Variants in MTHFD2L observed in about 807,000 individuals in gnomAD.
MTHFD2L encodes the protein methylenetetrahydrofolate dehydrogenase (NADP+ dependent) 2 like.
Under a neutral mutation model 34.9 loss-of-function variants are expected in MTHFD2L, and 29 were observed. The observed-to-expected ratio is 0.83, with a 90% CI of 0.62 to 1.13. The LOEUF (loss-of-function observed/expected upper bound fraction) is 1.13. Among genes scored for constraint, MTHFD2L ranks in the 50% most tolerant of loss-of-function variants. The probability of loss-of-function intolerance (pLI) is 0.00; values close to 1 mark genes in which losing one functional copy is unlikely to be tolerated. For missense variants in MTHFD2L, 481 were observed against 446.5 expected (o/e 1.08, Z -0.70); for synonymous variants, 167 against 155.7 (o/e 1.07, Z -0.54).
chr4:74,121,445 A>G (rs993604248), upstream of MTHFD2L, among the ~76,000 whole-genome samples: 5 of 150,768 alleles, frequency 3.3e-5, no homozygotes, highest in East Asian at 1.9e-4. Flanking sequence ...AGCAACCACA[A>G]TGAGATTATG....
chr4:74,299,178 A>G (rs949973469), intron 7 of MTHFD2L, among the ~76,000 whole-genome samples: 11 of 152,008 alleles, frequency 7.2e-5, no homozygotes, highest in African/African-American at 2.7e-4. Context: ...AACAAATTGT[A>G]TGCCACTTTT....
At chr4:74,157,998 T>C, upstream of MTHFD2L, 1 of 1,303,294 alleles carries the variant, frequency 7.7e-7, no homozygotes, top group Non-Finnish European at 1.1e-6. Flanking sequence ...TTTACCCCAC[T>C]CTGCGTGTCT....
intron 7 of MTHFD2L, among the ~76,000 whole-genome samples, chr4:74,285,697 A>G (rs1748084763): frequency 6.6e-6 from 1 of 152,156 alleles, no homozygotes; most frequent in East Asian, 1.9e-4. Context: ...CTAAACAAAT[A>G]TAATTTCTCC....
intron 1 of MTHFD2L, among the ~76,000 whole-genome samples, chr4:74,148,420 C>T (rs374338193): frequency 6.7e-6 from 1 of 149,040 alleles, no homozygotes; most frequent in African/African-American, 2.5e-5. Context: ...CAGAGTTTTG[C>T]TCTGTTGCCC....
intron 5 of MTHFD2L, among the ~76,000 whole-genome samples, chr4:74,202,048 A>G (rs1734533327): frequency 6.6e-6 from 1 of 152,238 alleles, no homozygotes; most frequent in African/African-American, 2.4e-5. Flanking sequence ...ACACTGACAC[A>G]CAGATATTCT....
rs1204698306 is a variant in MTHFD2L, at chr4:74,187,799, TTACACACACACA to T, written c.452-11994_452-11983del. ...GTCCAGCCATTCTGTGCCTGTGTAT[TTACACACACACA>T]CACACACACACACACACACACACAT... On this transcript the variant is annotated intron_variant, in intron 3 of 7. Transcript: ENST00000325278. 1.5e-4 allele frequency among the ~76,000 whole-genome samples: 11 copies of T among 75,032 alleles called. No homozygotes were observed. In the East Asian group the frequency reaches 3.8e-3, roughly 26 times the overall value. The allele number at this position is 75,032 out of a possible 152,430, so 49.2% of individuals were successfully genotyped here.
chr4:74,127,366 A>C (rs1722156511), intron 1 of MTHFD2L, among the ~76,000 whole-genome samples: 1 of 152,148 alleles, frequency 6.6e-6, no homozygotes, highest in Admixed American at 6.6e-5. Context: ...TTAACTGTAT[A>C]GTTGTCCTCA....
At chr4:74,282,341 A>G (rs1047345241) in intron 7 of MTHFD2L, among the ~76,000 whole-genome samples, 2 of 152,134 alleles carry the variant, frequency 1.3e-5, no homozygotes, top group African/African-American at 4.8e-5. Flanking sequence ...TATTTTTTGT[A>G]TAAGAGTGAT....
intron 3 of MTHFD2L, among the ~76,000 whole-genome samples, chr4:74,177,156 T>C (rs978473183): frequency 6.6e-6 from 1 of 151,880 alleles, no homozygotes; most frequent in South Asian, 2.1e-4. Context: ...CACTTACCTT[T>C]AAAACTAGAA....
At position 74,302,502 on chromosome 4, in the gene MTHFD2L, A is replaced by T. The variant is rs1750436939; in HGVS notation, c.*693A>T. On this transcript the variant is annotated 3_prime_UTR_variant, in exon 8 of 8. Coordinates refer to ENST00000325278, the MANE Select transcript of MTHFD2L (RefSeq NM_001144978.3). ...GAGTAATGATTATATCACATTGTGA[A>T]TGACTACTTGCCACAGTAAAAATAC... 6.6e-6 allele frequency: 1 copy of T among 152,148 alleles called. No individual in the cohort carries two copies. Among genetic ancestry groups the T allele is most frequent in the African/African-American group, 2.4e-5 (1 of 41,458 alleles). The allele number at this position is 152,148 out of a possible 1,614,324, so 9.4% of individuals were successfully genotyped here.
intron 1 of MTHFD2L, chr4:74,159,946 A>G (rs1383139314): frequency 7.6e-6 from 4 of 523,086 alleles, no homozygotes; most frequent in East Asian, 9.0e-5. Context: ...CCATCTCTGA[A>G]GGTGAGGTTG....
chr4:74,220,515 T>A (rs1231034092), intron 5 of MTHFD2L, among the ~76,000 whole-genome samples: 2 of 151,948 alleles, frequency 1.3e-5, no homozygotes, highest in African/African-American at 4.8e-5. Flanking sequence ...TTAATGAATA[T>A]AGGTGGAATT....
chr4:74,211,772 T>G (rs1411910493), intron 5 of MTHFD2L, among the ~76,000 whole-genome samples: 1 of 152,158 alleles, frequency 6.6e-6, no homozygotes, highest in Non-Finnish European at 1.5e-5. Flanking sequence ...CCAGCTGCTC[T>G]TTGTACTTAT....
intron 1 of MTHFD2L, chr4:74,161,266 A>T (rs1277965003): frequency 6.6e-6 from 1 of 152,228 alleles, no homozygotes; most frequent in Non-Finnish European, 1.5e-5. Context: ...TTAATAATTT[A>T]AAAAGACACA....
At chr4:74,219,554 A>G (rs1737791503) in intron 5 of MTHFD2L, among the ~76,000 whole-genome samples, 1 of 152,136 alleles carries the variant, frequency 6.6e-6, no homozygotes, top group Non-Finnish European at 1.5e-5. Context: ...TAAGAATTGA[A>G]TATAGGAATG....
upstream of MTHFD2L, among the ~76,000 whole-genome samples, chr4:74,121,022 G>A (rs190547725): frequency 6.6e-6 from 1 of 152,322 alleles, no homozygotes; most frequent in East Asian, 1.9e-4. Context: ...AATTATGGGG[G>A]CAACAAGTGA....
At chr4:74,135,859 C>A (rs1402720337) in intron 1 of MTHFD2L, among the ~76,000 whole-genome samples, 2 of 151,946 alleles carry the variant, frequency 1.3e-5, no homozygotes, top group Non-Finnish European at 2.9e-5. Context: ...TTAACAGAAT[C>A]GAGAATGAGA....
At chr4:74,204,609 A>G (rs1734986537) in intron 5 of MTHFD2L, among the ~76,000 whole-genome samples, 1 of 152,220 alleles carries the variant, frequency 6.6e-6, no homozygotes, top group Non-Finnish European at 1.5e-5. Flanking sequence ...ATAATTCTCC[A>G]AATAGTACTT....
In MTHFD2L at chr4:74,252,619, A is replaced by T. The variant is rs1427311971; in HGVS notation, c.805+27225A>T. ...TTAAAATGAAAAATATTTTGAAGTTAAAAAATAAAACTTTAACACTAAATA... is the reference window on the plus strand; with the variant it reads ...TTAAAATGAAAAATATTTTGAAGTTTAAAAATAAAACTTTAACACTAAATA... On this transcript the variant is annotated intron_variant, in intron 6 of 7. Transcript: ENST00000325278. Among the ~76,000 whole-genome samples, 11 of 152,302 alleles carry T rather than the reference A, an allele frequency of 7.2e-5. No homozygotes were observed. The East Asian group carries it at 2.1e-3, about 29-fold the overall frequency.
Sources: allele counts gnomAD v4.1 joint callset (sites outside exome capture counted in the v4.1 genomes callset), GRCh38; gene constraint gnomAD v4.1.1; transcripts MANE v1.5; gene names NCBI Gene and HGNC (gene_info 2026-07-23, HGNC 2026-07-21).